SPOCK3: variants seen among roughly 807,000 people sequenced by gnomAD.
SPOCK3 encodes testican-3.
Under a neutral mutation model 56.6 loss-of-function variants are expected in SPOCK3, and 30 were observed. The observed-to-expected ratio is 0.53, with a 90% CI of 0.40 to 0.72. SPOCK3 has a LOEUF of 0.72. SPOCK3 is among the 30% of genes least tolerant of loss of function. The probability of loss-of-function intolerance (pLI) is 0.00; values close to 1 mark genes in which losing one functional copy is unlikely to be tolerated. For synonymous variants in SPOCK3, 196 were observed against 183.3 expected (o/e 1.07, Z -0.56); for missense variants, 527 against 530.0 (o/e 0.99, Z 0.06).
At chr4:167,102,920 C>CAAAAAAAAAAAAAAAAAA (rs1759781950) in intron 2 of SPOCK3, among the ~76,000 whole-genome samples, 1 of 71,414 alleles carries the variant, frequency 1.4e-5, no homozygotes, top group Non-Finnish European at 2.5e-5. Context: ...ATATAGCTTG[C>CAAAAAAAAAAAAAAAAAA]AGAAAAAAAA....
chr4:166,937,036 T>A (rs907078556), intron 4 of SPOCK3, among the ~76,000 whole-genome samples: 2 of 152,134 alleles, frequency 1.3e-5, no homozygotes, highest in African/African-American at 4.8e-5. Flanking sequence ...TATTTTTTAA[T>A]TGATTGATTT....
intron 6 of SPOCK3, among the ~76,000 whole-genome samples, chr4:166,792,755 T>C (rs1247224859): frequency 1.3e-5 from 2 of 152,144 alleles, no homozygotes; most frequent in African/African-American, 4.8e-5. Flanking sequence ...ATTATAAATA[T>C]ATACTGTTCC....
intron 9 of SPOCK3, 135 bp from the exon 10 acceptor site, chr4:166,737,739 A>G (rs1434733016): frequency 3.3e-6 from 3 of 918,446 alleles, no homozygotes; most frequent in Non-Finnish European, 4.7e-6. Context: ...GTATTCCAGG[A>G]TAGATACCAG....
At position 166,853,382 on chromosome 4, in the gene SPOCK3, G is replaced by A. The variant is rs547089864; in HGVS notation, c.589+35748C>T. ...CATAAAAATGGAAATATTAAGCAGC[G>A]TAAAATTTTTCCTACATGCTGATCT... is the stretch of plus-strand genomic sequence containing the variant. On this transcript the variant is annotated intron_variant, in intron 6 of 10. Transcript: ENST00000357545. Among the ~76,000 whole-genome samples, 18 of 152,202 alleles carry A rather than the reference G, an allele frequency of 1.2e-4. No homozygotes were observed. In the East Asian group the frequency reaches 1.3e-3, roughly 11 times the overall value.
chr4:166,742,234 CATCTATCTATCT>C (rs3077121), intron 8 of SPOCK3, among the ~76,000 whole-genome samples, 175 bp from the exon 9 acceptor site: 32 of 121,960 alleles, frequency 2.6e-4, no homozygotes, highest in East Asian at 6.2e-4. Flanking sequence ...GTCTATCTAT[CATCTATCTATCT>C]ATCTATCTAT....
At position 167,117,159 on chromosome 4, in the gene SPOCK3, G is replaced by T. The variant is rs988684392; in HGVS notation, c.190-54622C>A. The stretch of plus-strand genomic sequence containing the variant: ...TACCCAAATTTGATCATTACACATT[G>T]TATGCTTGTATCAAAAAATCACATA... On this transcript the variant is annotated intron_variant, in intron 2 of 10. Transcript: ENST00000357545. Among the ~76,000 whole-genome samples, 20 of 151,730 alleles carry T rather than the reference G, an allele frequency of 1.3e-4. No homozygotes were observed. The East Asian group carries it at 3.9e-3, about 30-fold the overall frequency.
chr4:167,176,137 T>C (rs542142066), intron 2 of SPOCK3, among the ~76,000 whole-genome samples: 6 of 152,232 alleles, frequency 3.9e-5, no homozygotes, highest in Middle Eastern at 3.4e-3. Flanking sequence ...TTAATCTCTT[T>C]ATCTGACTCT....
chr4:167,020,116 T>C (rs539705816), intron 3 of SPOCK3, among the ~76,000 whole-genome samples: 30 of 152,198 alleles, frequency 2.0e-4, no homozygotes, highest in African/African-American at 6.7e-4. Flanking sequence ...GAGGCAGATA[T>C]TGCTATCTTG....
Position 166,737,456 on chromosome 4 carries a change from C to G in SPOCK3, c.1132+11G>C. The G allele has an allele frequency of 6.2e-7, 1 of 1,608,408 alleles. No homozygotes were observed. Among genetic ancestry groups the G allele is most frequent in the Non-Finnish European group, 8.5e-7 (1 of 1,177,590 alleles). ...TTAGAAAATTATGAAATAAGTAACC[C>G]TTCTCCTTACCACAATCTGCAACAC... On this transcript the variant is annotated intron_variant, in intron 10 of 10. Coordinates refer to ENST00000357545, the MANE Select transcript of SPOCK3 (RefSeq NM_001040159.2).
chr4:167,204,451 G>T (rs564652879), intron 2 of SPOCK3, among the ~76,000 whole-genome samples: 5 of 152,194 alleles, frequency 3.3e-5, no homozygotes, highest in South Asian at 2.1e-4. Context: ...AGGGCAGCAG[G>T]AGAGAGAATG....
chr4:167,064,259 T>A (rs1046938189), intron 2 of SPOCK3, among the ~76,000 whole-genome samples: 44 of 151,770 alleles, frequency 2.9e-4, no homozygotes, highest in African/African-American at 9.9e-4. Context: ...AGTTGATATA[T>A]TTATGTCCAG....
At chr4:167,124,379 C>T (rs1370483395) in intron 2 of SPOCK3, among the ~76,000 whole-genome samples, 1 of 152,170 alleles carries the variant, frequency 6.6e-6, no homozygotes, top group African/African-American at 2.4e-5. Context: ...ACCTCACATT[C>T]AGAATGTCTA....
chr4:167,125,801 AG>A (rs1319917873), intron 2 of SPOCK3, among the ~76,000 whole-genome samples: 1 of 152,190 alleles, frequency 6.6e-6, no homozygotes, highest in African/African-American at 2.4e-5. Context: ...ATAGTAGTTC[AG>A]TTTGACAGTG....
chr4:166,799,860 C>G (rs1742350974), intron 6 of SPOCK3, among the ~76,000 whole-genome samples: 1 of 151,968 alleles, frequency 6.6e-6, no homozygotes, highest in Non-Finnish European at 1.5e-5. Flanking sequence ...TAGCAGAAAG[C>G]TTTGCAGACC....
chr4:167,118,136 C>T (rs1042146109), intron 2 of SPOCK3, among the ~76,000 whole-genome samples: 12 of 152,178 alleles, frequency 7.9e-5, no homozygotes, highest in African/African-American at 2.9e-4. Flanking sequence ...TCCTACTTGC[C>T]AGACTGTTTG....
At chr4:167,135,725 G>A (rs1763065321) in intron 2 of SPOCK3, among the ~76,000 whole-genome samples, 1 of 147,962 alleles carries the variant, frequency 6.8e-6, no homozygotes, top group South Asian at 2.1e-4. Context: ...GTGTAAAATT[G>A]TTAGGCTGTT....
chr4:166,744,717 G>T (rs1410667942), intron 8 of SPOCK3, among the ~76,000 whole-genome samples: 1 of 152,116 alleles, frequency 6.6e-6, no homozygotes, highest in Non-Finnish European at 1.5e-5. Context: ...CGAACCCATT[G>T]CAAGGCAGCT....
At chr4:166,913,392 C>A (rs950400276) in intron 4 of SPOCK3, among the ~76,000 whole-genome samples, 3 of 152,102 alleles carry the variant, frequency 2.0e-5, no homozygotes, top group Non-Finnish European at 4.4e-5. Context: ...GGTTAAATTG[C>A]TTTATTCCTT....
intron 2 of SPOCK3, among the ~76,000 whole-genome samples, chr4:167,080,607 A>G (rs1288930594): frequency 6.6e-6 from 1 of 151,984 alleles, no homozygotes; most frequent in Non-Finnish European, 1.5e-5. Flanking sequence ...GGGCACCTTG[A>G]GGAATTAGGT....
Sources: gnomAD v4.1 joint callset for allele counts (sites outside exome capture counted in the v4.1 genomes callset) on GRCh38, gnomAD v4.1.1 for gene constraint, MANE v1.5 for transcripts, NCBI Gene and HGNC (gene_info 2026-07-23, HGNC 2026-07-21) for gene names.